The following CBL variants were observed in gnomAD, a reference collection of about 807,000 sequenced individuals.
CBL encodes the protein E3 ubiquitin-protein ligase CBL.
A neutral mutation model predicts 96.9 loss-of-function variants in CBL; 45 were observed. That is an observed-to-expected ratio of 0.46 (90% CI 0.37 to 0.60). The LOEUF is 0.60. Among genes scored for constraint, CBL ranks in the 20% least tolerant of loss-of-function variants. The pLI, the probability that CBL is intolerant of heterozygous loss-of-function variation, is 0.00. For synonymous variants in CBL, 420 were observed against 426.8 expected, an observed-to-expected ratio of 0.98 and a Z score of 0.20; for missense variants, 1,024 against 1,143.5, an observed-to-expected ratio of 0.90 and a Z score of 1.51.
intron 1 of CBL, among the ~76,000 whole-genome samples, chr11:119,212,748 C>T (rs938809015): frequency 7.5e-5 from 11 of 146,210 alleles, no homozygotes; most frequent in Admixed American, 2.0e-4. Flanking sequence ...CAGTGGCTCA[C>T]GCCTGTAATC....
At position 119,301,090 on chromosome 11, in the gene CBL, T is replaced by C. The variant is rs1004774332; in HGVS notation, c.*1309T>C. ...CCTTCCCTGCATTGCTGCCTCCCGA[T>C]GATGTGGTTCTTTTCTTGTGCCTGT... On this transcript the variant is annotated 3_prime_UTR_variant, in exon 16 of 16. Transcript: ENST00000264033. The C allele has an allele frequency of 1.3e-5, 3 of 233,288 alleles. No individual in the cohort carries two copies. Among genetic ancestry groups the C allele is most frequent in the African/African-American group, 6.6e-5 (3 of 45,346 alleles). The allele number at this position is 233,288 out of a possible 1,614,324, so 14.5% of individuals were successfully genotyped here.
chr11:119,240,942 G>T, intron 2 of CBL, among the ~76,000 whole-genome samples: 1 of 151,910 alleles, frequency 6.6e-6, no homozygotes, highest in East Asian at 1.9e-4. Flanking sequence ...GTGTGGTAGC[G>T]GGCACCTGTA....
At chr11:119,296,647 G>A (rs1023188015) in intron 12 of CBL, among the ~76,000 whole-genome samples, 4 of 152,112 alleles carry the variant, frequency 2.6e-5, no homozygotes, top group Admixed American at 1.3e-4. Flanking sequence ...CTTCTGTGGG[G>A]GATTAGGACT....
rs371351627 is a variant in CBL, at chr11:119,277,875, A to G, written c.1095+31A>G. The G allele has an allele frequency of 4.4e-6, 6 of 1,361,390 alleles. No individual in the cohort carries two copies. The African/African-American group carries it at 8.6e-5, about 19-fold the overall frequency. 84.3% of individuals were successfully genotyped at this position (1,361,390 alleles called of 1,614,324 possible). On this transcript the variant is annotated intron_variant, in intron 7 of 15. Coordinates refer to ENST00000264033, the MANE Select transcript of CBL (RefSeq NM_005188.4). ...TTTTGTTTCACATGATAACCATATC[A>G]CTGGACACAAGCTTTAGTATATTCT...
intron 1 of CBL, among the ~76,000 whole-genome samples, chr11:119,221,423 A>G (rs986199421): frequency 6.6e-6 from 1 of 151,998 alleles, no homozygotes; most frequent in Non-Finnish European, 1.5e-5. Context: ...ACAAAAAAGG[A>G]TGGGTTTCTG....
At chr11:119,296,467 T>C (rs1950062910) in intron 12 of CBL, among the ~76,000 whole-genome samples, 1 of 152,218 alleles carries the variant, frequency 6.6e-6, no homozygotes, top group African/African-American at 2.4e-5. Flanking sequence ...CTCTCTCTAT[T>C]TTAAATTTTT....
chr11:119,232,756 CAT>C, intron 2 of CBL, 61 bp downstream of exon 2: 1 of 1,502,780 alleles, frequency 6.7e-7, no homozygotes, highest in Non-Finnish European at 9.2e-7. Context: ...ATGGGTAACA[CAT>C]AGAAGTAGTT....
At chr11:119,255,796 A>G (rs1302597446) in intron 2 of CBL, among the ~76,000 whole-genome samples, 1 of 152,106 alleles carries the variant, frequency 6.6e-6, no homozygotes, top group East Asian at 1.9e-4. Flanking sequence ...AAATGAATGT[A>G]TGTCTATATA....
intron 2 of CBL, among the ~76,000 whole-genome samples, chr11:119,246,527 C>T (rs1425063877): frequency 6.6e-6 from 1 of 152,138 alleles, no homozygotes; most frequent in South Asian, 2.1e-4. Context: ...TCTCAGCTCA[C>T]CGCAACCTCC....
rs566628184 is a variant in CBL at position 119,226,277 on chromosome 11, T to G, written c.196-6171T>G. 2.6e-5 allele frequency among the ~76,000 whole-genome samples: 4 copies of G among 152,306 alleles called. No individual in the cohort carries two copies. The South Asian group carries it at 8.3e-4, about 32-fold the overall frequency. ...TGATATGAGGTCCACTATTCTGTCT[T>G]TAGTAGGTAATTCTTGCCTCCCCTG... On this transcript the variant is annotated intron_variant, in intron 1 of 15. Coordinates refer to ENST00000264033, the MANE Select transcript of CBL (RefSeq NM_005188.4).
intron 2 of CBL, among the ~76,000 whole-genome samples, chr11:119,234,908 G>T (rs954770159): frequency 1.3e-5 from 2 of 152,172 alleles, no homozygotes; most frequent in Non-Finnish European, 2.9e-5. Context: ...GTCAAGAAAA[G>T]TCTTTTAACA....
At chr11:119,298,249 A>G in intron 14 of CBL, 109 bp from the exon 15 acceptor site, 1 of 947,320 alleles carries the variant, frequency 1.1e-6, no homozygotes, top group Non-Finnish European at 1.7e-6. Flanking sequence ...GTAACTGTTG[A>G]ATGAGATAAA....
intron 1 of CBL, among the ~76,000 whole-genome samples, chr11:119,213,966 C>T (rs946379244): frequency 5.3e-5 from 8 of 149,698 alleles, no homozygotes; most frequent in African/African-American, 1.7e-4. Context: ...TTTTTTGAGA[C>T]GGAGTCTCGC....
At chr11:119,282,083 A>C (rs1219385393) in intron 9 of CBL, among the ~76,000 whole-genome samples, 10 of 152,006 alleles carry the variant, frequency 6.6e-5, no homozygotes, top group Admixed American at 6.6e-5. Context: ...CATGCGTGTA[A>C]TCCCAGCACT....
intron 1 of CBL, among the ~76,000 whole-genome samples, chr11:119,222,078 CTTGTTT>C (rs1433886178): frequency 6.6e-6 from 1 of 152,128 alleles, no homozygotes; most frequent in Non-Finnish European, 1.5e-5. Context: ...ATATTGAATA[CTTGTTT>C]TTGTAGCATA....
At chr11:119,242,755 A>G (rs1409013684) in intron 2 of CBL, among the ~76,000 whole-genome samples, 1 of 151,178 alleles carries the variant, frequency 6.6e-6, no homozygotes, top group Non-Finnish European at 1.5e-5. Context: ...AAAAAAAAAA[A>G]AAAAAAGAAA....
chr11:119,304,630 ATT>A lies in CBL; in HGVS notation c.*4862_*4863del, dbSNP rs572265582. ...ACAAATTCTCAATTTCCCATACTTA[ATT>A]TTTTTTTTTTTTGAGATGGAGTCTC... On this transcript the variant is annotated 3_prime_UTR_variant, in exon 16 of 16. Coordinates refer to ENST00000264033, the MANE Select transcript of CBL (RefSeq NM_005188.4). 133 of 198,422 alleles carry A rather than the reference ATT, an allele frequency of 6.7e-4. No homozygotes were observed. Among genetic ancestry groups the A allele is most frequent in the Middle Eastern group, 1.7e-3 (1 of 602 alleles). 12.3% of individuals were successfully genotyped at this position (198,422 alleles called of 1,614,324 possible). A position where few individuals can be genotyped will look rare whatever the true frequency, so the allele number is the denominator to read the frequency against.
intron 2 of CBL, among the ~76,000 whole-genome samples, chr11:119,246,193 T>C (rs1949629923): frequency 6.6e-6 from 1 of 151,924 alleles, no homozygotes; most frequent in Non-Finnish European, 1.5e-5. Flanking sequence ...CAGGATAGTC[T>C]TGATCTCTTG....
intron 2 of CBL, among the ~76,000 whole-genome samples, chr11:119,238,105 C>A (rs542855270): frequency 6.1e-4 from 93 of 152,064 alleles, no homozygotes; most frequent in Non-Finnish European, 7.5e-4. Context: ...CTCCTGACCT[C>A]AAGTGATCTG....
Sources: gnomAD v4.1 joint callset for allele counts (sites outside exome capture counted in the v4.1 genomes callset) on GRCh38, gnomAD v4.1.1 for gene constraint, MANE v1.5 for transcripts, NCBI Gene and HGNC (gene_info 2026-07-23, HGNC 2026-07-21) for gene names.